Variants in SRRM4 observed in about 807,000 individuals in gnomAD.
The protein encoded by SRRM4 is serine/arginine repetitive matrix protein 4.
A neutral mutation model predicts 68.9 loss-of-function variants in SRRM4; 33 were observed. The ratio of observed to expected loss-of-function variants is 0.48; its 90% CI spans 0.36 to 0.64. The LOEUF (loss-of-function observed/expected upper bound fraction) is 0.64, where lower values mean the gene tolerates loss of function less well. Among genes scored for constraint, SRRM4 ranks in the 30% least tolerant of loss-of-function variants. SRRM4 has a pLI of 0.00. For missense variants in SRRM4, 817 were observed against 827.1 expected, an observed-to-expected ratio of 0.99 and a Z score of 0.15; for synonymous variants, 318 against 318.8, an observed-to-expected ratio of 1.00 and a Z score of 0.03.
At position 119,067,600 on chromosome 12, in the gene SRRM4, C is replaced by T. The variant is rs545526460; in HGVS notation, c.132-34636C>T. Among the ~76,000 whole-genome samples the T allele has an allele frequency of 9.2e-5, 14 of 152,174 alleles. No individual in the cohort carries two copies. The South Asian group carries it at 1.5e-3, about 16-fold the overall frequency. On this transcript the variant is annotated intron_variant, in intron 1 of 12. Coordinates refer to ENST00000267260, the MANE Select transcript of SRRM4 (RefSeq NM_194286.4). ...GCGCGTGCCTGTAATCCCAGCTACT[C>T]GGGAGGTTCAGGCAGGAGAATCACT...
At chr12:119,088,777 G>T (rs1280047013) in intron 1 of SRRM4, among the ~76,000 whole-genome samples, 1 of 152,114 alleles carries the variant, frequency 6.6e-6, no homozygotes, top group Admixed American at 6.5e-5. Context: ...GGTAGAGAAG[G>T]CACTCTGGGC....
chr12:119,018,809 T>A (rs1953497201), intron 1 of SRRM4, among the ~76,000 whole-genome samples: 1 of 152,168 alleles, frequency 6.6e-6, no homozygotes, highest in Non-Finnish European at 1.5e-5. Flanking sequence ...AGAAATTTTG[T>A]ATCCTCAGTT....
chr12:119,024,169 C>T (rs1450758544), intron 1 of SRRM4, among the ~76,000 whole-genome samples: 1 of 152,186 alleles, frequency 6.6e-6, no homozygotes, highest in African/African-American at 2.4e-5. Flanking sequence ...CCTGGCCCAT[C>T]ATGGGGGCTC....
intron 1 of SRRM4, among the ~76,000 whole-genome samples, chr12:119,036,280 C>T (rs549003934): frequency 2.6e-5 from 4 of 152,228 alleles, no homozygotes; most frequent in East Asian, 1.9e-4. Flanking sequence ...CCAAAGATAC[C>T]GCTGGATTCC....
chr12:119,043,960 G>A (rs1298883109), intron 1 of SRRM4, among the ~76,000 whole-genome samples: 2 of 152,116 alleles, frequency 1.3e-5, no homozygotes. Flanking sequence ...CCGCCTTCCG[G>A]TTTTCAAGTG....
At chr12:119,093,147 C>A (rs1242727850) in intron 1 of SRRM4, among the ~76,000 whole-genome samples, 2 of 151,474 alleles carry the variant, frequency 1.3e-5, no homozygotes, top group African/African-American at 2.4e-5. Context: ...CCATCTCCCC[C>A]CTAGCACTTA....
At chr12:119,127,878 C>T (rs1200089501) in intron 7 of SRRM4, among the ~76,000 whole-genome samples, 1 of 152,196 alleles carries the variant, frequency 6.6e-6, no homozygotes, top group African/African-American at 2.4e-5. Context: ...TACATTTTCT[C>T]TCTCATCATT....
At chr12:119,015,208 A>T (rs1953473823) in intron 1 of SRRM4, among the ~76,000 whole-genome samples, 1 of 152,156 alleles carries the variant, frequency 6.6e-6, no homozygotes, top group Non-Finnish European at 1.5e-5. Context: ...CCTCCCCAGC[A>T]TGTAATCAAT....
At chr12:118,983,980 A>T (rs982195389) in intron 1 of SRRM4, among the ~76,000 whole-genome samples, 4 of 151,566 alleles carry the variant, frequency 2.6e-5, no homozygotes, top group African/African-American at 9.7e-5. Flanking sequence ...ACCACCCCTG[A>T]GGTGAAAGCC....
intron 1 of SRRM4, among the ~76,000 whole-genome samples, chr12:119,076,903 G>T (rs1295741689): frequency 6.6e-6 from 1 of 151,772 alleles, no homozygotes; most frequent in Non-Finnish European, 1.5e-5. Flanking sequence ...TTTAAAAACT[G>T]CTTTTTGGTA....
At chr12:119,114,091 C>A in intron 2 of SRRM4, 187 bp from the exon 3 acceptor site, 1 of 491,850 alleles carries the variant, frequency 2.0e-6, no homozygotes, top group South Asian at 3.4e-5. Context: ...CTCATTAACT[C>A]GGCATTAAGT....
chr12:119,038,467 T>C (rs193145919), intron 1 of SRRM4, among the ~76,000 whole-genome samples: 1 of 152,284 alleles, frequency 6.6e-6, no homozygotes, highest in Non-Finnish European at 1.5e-5. Context: ...CACCTCGGCC[T>C]CCCAAAGTGC....
rs370307034 is a variant in SRRM4 at position 119,145,431 on chromosome 12, G to C, written c.822G>C (p.Pro274=). Residue 274 remains proline (P), a synonymous_variant, in exon 9 of 13, where the codon CCG becomes CCC. Transcript: ENST00000267260. ...AADLFTKTAS[P]LTTSRGRSQE... is the part of the protein sequence containing the mutation. ...ACCTCTTTACCAAAACAGCCAGCCC[G>C]CTCACCACCTCGCGAGGACGTTCCC... 3 of 1,606,676 alleles carry C rather than the reference G, an allele frequency of 1.9e-6. No homozygotes were observed. The highest frequency in any genetic ancestry group is 2.5e-6 in the Non-Finnish European group (3 of 1,176,660).
At chr12:118,987,488 A>C (rs1006678676) in intron 1 of SRRM4, among the ~76,000 whole-genome samples, 5 of 152,202 alleles carry the variant, frequency 3.3e-5, no homozygotes, top group African/African-American at 1.2e-4. Flanking sequence ...AGATTGGTAG[A>C]GCTGTTTGAA....
At chr12:118,983,315 G>A (rs1404388780) in intron 1 of SRRM4, among the ~76,000 whole-genome samples, 2 of 152,216 alleles carry the variant, frequency 1.3e-5, no homozygotes, top group Non-Finnish European at 2.9e-5. Flanking sequence ...CAACAGGCCA[G>A]TAGGGTGTAG....
chr12:119,076,652 T>C lies in SRRM4; in HGVS notation c.132-25584T>C, dbSNP rs1036443717. ...CTGGTCACACTGAATAGAAAATTTA[T>C]TTTGGGAAGTTGTCGAGATCTGAAA... is the stretch of plus-strand genomic sequence containing the variant. On this transcript the variant is annotated intron_variant, in intron 1 of 12. Transcript: ENST00000267260. Among the ~76,000 whole-genome samples, 5 of 152,224 alleles carry C rather than the reference T, an allele frequency of 3.3e-5. No individual in the cohort carries two copies. The East Asian group carries it at 9.6e-4, about 29-fold the overall frequency.
intron 1 of SRRM4, among the ~76,000 whole-genome samples, chr12:119,038,031 A>G (rs367932080): frequency 1.3e-5 from 2 of 152,262 alleles, no homozygotes. Context: ...TGATTCAACA[A>G]GCACTTATTG....
At chr12:119,108,492 G>A (rs1478562865) in intron 2 of SRRM4, among the ~76,000 whole-genome samples, 1 of 152,052 alleles carries the variant, frequency 6.6e-6, no homozygotes, top group Non-Finnish European at 1.5e-5. Flanking sequence ...TTTGAATCTG[G>A]GTGCTCCTGT....
At chr12:119,114,220 T>C in intron 2 of SRRM4, 58 bp from the exon 3 acceptor site, 1 of 1,485,786 alleles carries the variant, frequency 6.7e-7, no homozygotes, top group East Asian at 2.3e-5. Flanking sequence ...GCACCAGCTC[T>C]GGTTGGGGAG....
Sources: gnomAD v4.1 joint callset for allele counts (sites outside exome capture counted in the v4.1 genomes callset) on GRCh38, gnomAD v4.1.1 for gene constraint, MANE v1.5 for transcripts, NCBI Gene and HGNC (gene_info 2026-07-23, HGNC 2026-07-21) for gene names.